Variants in MTARC1 observed in about 807,000 individuals in gnomAD.
MTARC1 encodes the protein mitochondrial amidoxime reducing component 1.
Under a neutral mutation model 33.6 loss-of-function variants are expected in MTARC1, and 24 were observed. The ratio of observed to expected loss-of-function variants is 0.72; its 90% CI spans 0.52 to 1.01. The LOEUF is 1.01. Among genes scored for constraint, MTARC1 ranks in the 50% least tolerant of loss-of-function variants. The probability of loss-of-function intolerance (pLI) is 0.00; values close to 1 mark genes in which losing one functional copy is unlikely to be tolerated. For synonymous variants in MTARC1, 187 were observed against 189.5 expected (o/e 0.99, Z 0.11); for missense variants, 417 against 445.7 (o/e 0.94, Z 0.58).
chr1:220,805,863 A>G (rs1429703379), intron 6 of MTARC1, among the ~76,000 whole-genome samples: 1 of 152,248 alleles, frequency 6.6e-6, no homozygotes, highest in East Asian at 1.9e-4. Context: ...TGAAAGACAC[A>G]GTACCGAGAA....
rs1673261115 is a variant in MTARC1 at position 220,815,417 on chromosome 1, C to A, written c.*1999C>A. 6.6e-6 allele frequency: 1 copy of A among 152,274 alleles called. No individual in the cohort carries two copies. Among genetic ancestry groups the A allele is most frequent in the Non-Finnish European group, 1.5e-5 (1 of 68,078 alleles). The allele number at this position is 152,274 out of a possible 1,614,324, so 9.4% of individuals were successfully genotyped here. On this transcript the variant is annotated 3_prime_UTR_variant, in exon 7 of 7. Coordinates refer to ENST00000366910, the MANE Select transcript of MTARC1 (RefSeq NM_022746.4). ...TGTGCCCCGTCCGGGCAGTAACCATCATTCTCCATGGACAGGCTCTCGGGG... is the reference window on the plus strand; with the variant it reads ...TGTGCCCCGTCCGGGCAGTAACCATAATTCTCCATGGACAGGCTCTCGGGG...
At position 220,798,870 on chromosome 1, in the gene MTARC1, A is replaced by G. The variant is rs1319140161; in HGVS notation, c.753+856A>G. On this transcript the variant is annotated intron_variant, in intron 4 of 6. Transcript: ENST00000366910. ...CAAAGCAATTGAGTTTTAACCTTTT[A>G]TCCTCAGAGGAGCCAATTATATTCT... 5.1e-6 allele frequency: 5 copies of G among 985,330 alleles called. No individual in the cohort carries two copies. In the African/African-American group the frequency reaches 5.2e-5, roughly 10 times the overall value. The allele number at this position is 985,330 out of a possible 1,614,324, so 61.0% of individuals were successfully genotyped here. A position where few individuals can be genotyped will look rare whatever the true frequency, so the allele number is the denominator to read the frequency against.
intron 2 of MTARC1, chr1:220,794,038 A>T (rs1163040320): frequency 1.3e-5 from 2 of 152,220 alleles, no homozygotes; most frequent in African/African-American, 4.8e-5. Context: ...AGCAGGGCAG[A>T]TGTTTAAATG....
rs546885076 is a variant in MTARC1, at chr1:220,807,383, G to A, written c.887+2109G>A. Among the ~76,000 whole-genome samples the A allele has an allele frequency of 2.6e-3, 399 of 152,278 alleles. 3 individuals carry two copies. Among genetic ancestry groups the A allele is most frequent in the African/African-American group, 9.0e-3 (373 of 41,564 alleles). The stretch of plus-strand genomic sequence containing the variant: ...GGATAACTTGAGGTCAGGAGTTCGA[G>A]ACCAGCCTGGCCAACATAGTGAAAC... On this transcript the variant is annotated intron_variant, in intron 6 of 6. Transcript: ENST00000366910.
chr1:220,802,294 C>A (rs1019906723), intron 4 of MTARC1, among the ~76,000 whole-genome samples: 2 of 152,082 alleles, frequency 1.3e-5, no homozygotes, highest in African/African-American at 4.8e-5. Context: ...TGTGCTCCCA[C>A]CCCAGCCCCT....
At position 220,815,942 on chromosome 1, in the gene MTARC1, C is replaced by G. The variant is rs1437845810; in HGVS notation, c.*2524C>G. On this transcript the variant is annotated 3_prime_UTR_variant, in exon 7 of 7. Transcript: ENST00000366910. ...AGGCTCCGGAGGGGCTGCCTAAAGGCTTGCTTTTGTGACTCTCCTGCAGAA... is the reference window on the plus strand; with the variant it reads ...AGGCTCCGGAGGGGCTGCCTAAAGGGTTGCTTTTGTGACTCTCCTGCAGAA... The G allele has an allele frequency of 1.3e-5, 2 of 152,216 alleles. No individual in the cohort carries two copies. Among genetic ancestry groups the G allele is most frequent in the Non-Finnish European group, 2.9e-5 (2 of 68,054 alleles). 9.4% of individuals were successfully genotyped at this position (152,216 alleles called of 1,614,324 possible).
chr1:220,791,807 C>G, intron 2 of MTARC1, 143 bp downstream of exon 2: 2 of 865,076 alleles, frequency 2.3e-6, no homozygotes, highest in Non-Finnish European at 1.7e-6. Context: ...ATGAAGTCCT[C>G]AACATTATGA....
chr1:220,786,974 G>A lies in MTARC1; in HGVS notation c.30G>A (p.Ala10=), dbSNP rs1264262234. ...GCGCCGCCGGCTCCTCCGCGCTGGC[G>A]CGCTTTGTCCTCCTCGCGCAATCCC... MGAAGSSAL[A]RFVLLAQSRP... is the part of the protein sequence containing the mutation. The change falls in exon 1 of 7, where the codon GCG becomes GCA. Residue 10 remains alanine, a synonymous_variant. Transcript: ENST00000366910. 3.2e-6 allele frequency: 4 copies of A among 1,253,154 alleles called. No individual in the cohort carries two copies. Among genetic ancestry groups the A allele is most frequent in the Non-Finnish European group, 4.0e-6 (4 of 1,002,172 alleles). 77.6% of individuals were successfully genotyped at this position (1,253,154 alleles called of 1,614,324 possible).
At chr1:220,795,259 C>G (rs1329108426) in intron 2 of MTARC1, among the ~76,000 whole-genome samples, 5 of 152,126 alleles carry the variant, frequency 3.3e-5, no homozygotes, top group African/African-American at 1.2e-4. Context: ...ATCCTCACAA[C>G]AAAGTTCTGC....
intron 1 of MTARC1, among the ~76,000 whole-genome samples, chr1:220,789,268 A>G (rs72470582): frequency 0.14 from 20,959 of 152,130 alleles, 2,353 homozygotes; most frequent in East Asian, 0.3. Flanking sequence ...TAGAGAGGGA[A>G]TAAGCTGGGC....
intron 6 of MTARC1, 100 bp from the exon 7 acceptor site, chr1:220,813,192 A>T: frequency 6.6e-7 from 1 of 1,518,098 alleles, no homozygotes; most frequent in Middle Eastern, 1.9e-4. Context: ...TGCCCTCTCG[A>T]GCTGTGCGTG....
rs937564931 is a variant in MTARC1, at chr1:220,813,652, C to T, written c.*234C>T. The T allele has an allele frequency of 8.4e-6, 4 of 474,752 alleles. No individual in the cohort carries two copies. The highest frequency in any genetic ancestry group is 6.8e-5 in the Admixed American group (2 of 29,392). 29.4% of individuals were successfully genotyped at this position (474,752 alleles called of 1,614,324 possible). A position where few individuals can be genotyped will look rare whatever the true frequency, so the allele number is the denominator to read the frequency against. On this transcript the variant is annotated 3_prime_UTR_variant, in exon 7 of 7. Transcript: ENST00000366910. ...GGACTTCAGTAAGTCACTTAAATGACAAGACAGGATTCTGAAAACTCCCCG... is the reference window on the plus strand; with the variant it reads ...GGACTTCAGTAAGTCACTTAAATGATAAGACAGGATTCTGAAAACTCCCCG...
At position 220,805,275 on chromosome 1, in the gene MTARC1, G is replaced by A; in HGVS notation, c.887+1G>A. ...AGGAACCGCTGGAAACACTGAAGAG[G>A]TAGGACTGGGCAGACGGGGCTCATC... On this transcript the variant is annotated splice_donor_variant, in intron 6 of 6. Transcript: ENST00000366910. LOFTEE classifies it high-confidence loss of function. 1.2e-6 allele frequency: 2 copies of A among 1,612,714 alleles called. 1 individual carries two copies. Among genetic ancestry groups the A allele is most frequent in the Non-Finnish European group, 1.7e-6 (2 of 1,180,012 alleles).
intron 6 of MTARC1, 98 bp from the exon 7 acceptor site, chr1:220,813,178 ATGGTGCCCTCTCGAGC>A: frequency 7.1e-7 from 1 of 1,408,890 alleles, no homozygotes; most frequent in Non-Finnish European, 9.9e-7. Flanking sequence ...CTTTGACGGG[ATGGTGCCCTCTCGAGC>A]TGTGCGTGCG....
intron 6 of MTARC1, chr1:220,808,876 C>T (rs958253947): frequency 2.1e-6 from 1 of 471,028 alleles, no homozygotes; most frequent in African/African-American, 2.0e-5. Context: ...GACGTACACA[C>T]TGATCCCCAT....
chr1:220,805,402 T>C (rs1402275531), intron 6 of MTARC1, 128 bp downstream of exon 6: 1 of 970,468 alleles, frequency 1.0e-6, no homozygotes, highest in Non-Finnish European at 1.6e-6. Context: ...CTCAAGAGGG[T>C]CCCATTAACG....
At position 220,813,357 on chromosome 1, in the gene MTARC1, T is replaced by C. The variant is rs748881852; in HGVS notation, c.953T>C (p.Phe318Ser). ...YGKSPLFGQY[F>S]VLENPGTIKV... ...AAATCACCACTCTTTGGGCAGTATT[T>C]TGTGCTGGAAAACCCAGGGACCATC... is the stretch of plus-strand genomic sequence containing the variant. The change falls in exon 7 of 7, where the codon TTT (phenylalanine) becomes TCT (serine). Residue 318 changes from phenylalanine (F) to serine (S), a missense_variant. By Grantham distance (155) the Phe-to-Ser change is radical. Transcript: ENST00000366910. 5.0e-6 allele frequency: 8 copies of C among 1,614,152 alleles called. No individual in the cohort carries two copies. Among genetic ancestry groups the C allele is most frequent in the Non-Finnish European group, 5.9e-6 (7 of 1,180,020 alleles).
At chr1:220,796,911 C>G in intron 3 of MTARC1, 106 bp downstream of exon 3, 1 of 1,156,370 alleles carries the variant, frequency 8.6e-7, no homozygotes, top group Admixed American at 3.4e-5. Flanking sequence ...TGGGGCAGCC[C>G]TCTGGTAGCT....
At position 220,810,936 on chromosome 1, in the gene MTARC1, A is replaced by G. The variant is rs147648641; in HGVS notation, c.888-2356A>G. Among the ~76,000 whole-genome samples, 772 of 152,272 alleles carry G rather than the reference A, an allele frequency of 5.1e-3. 3 individuals are homozygous for G. The highest frequency in any genetic ancestry group is 7.1e-3 in the Non-Finnish European group (482 of 68,012). On this transcript the variant is annotated intron_variant, in intron 6 of 6. Coordinates refer to ENST00000366910, the MANE Select transcript of MTARC1 (RefSeq NM_022746.4). ...CCTGAGACTTAACTGTAAAATGAAGAAAAGGCAAATTCCCACATAAGCAGG... is the reference window on the plus strand; with the variant it reads ...CCTGAGACTTAACTGTAAAATGAAGGAAAGGCAAATTCCCACATAAGCAGG...
Sources: allele counts gnomAD v4.1 joint callset (sites outside exome capture counted in the v4.1 genomes callset), GRCh38; gene constraint gnomAD v4.1.1; transcripts MANE v1.5; gene names NCBI Gene and HGNC (gene_info 2026-07-23, HGNC 2026-07-21).